The following RARB variants were observed in gnomAD, a reference collection of about 807,000 sequenced individuals.
RARB encodes HBV-activated protein.
In RARB, 17 loss-of-function variants were observed where a neutral mutation model predicts 51.9. The ratio of observed to expected loss-of-function variants is 0.33; its 90% CI spans 0.22 to 0.49. The LOEUF (loss-of-function observed/expected upper bound fraction) is 0.49, where lower values mean the gene tolerates loss of function less well. Among genes scored for constraint, RARB ranks in the 20% least tolerant of loss-of-function variants. The pLI is 0.99. For missense variants in RARB, 369 were observed against 550.8 expected (o/e 0.67, Z 3.30); for synonymous variants, 215 against 195.4 (o/e 1.10, Z -0.84).
chr3:25,446,802 C>CAAAAAAAAAAAAAAAA (rs5847356), intron 1 of RARB, among the ~76,000 whole-genome samples: 1 of 69,102 alleles, frequency 1.4e-5, no homozygotes, highest in African/African-American at 6.5e-5. Flanking sequence ...GACTCCGTCT[C>CAAAAAAAAAAAAAAAA]AAAAAAAAAA....
intron 2 of RARB, among the ~76,000 whole-genome samples, chr3:25,475,940 T>C (rs1177371708): frequency 6.6e-6 from 1 of 152,204 alleles, no homozygotes; most frequent in Admixed American, 6.5e-5. Context: ...TAGTTGTGTA[T>C]TTGTCACTCA....
intron 5 of RARB, among the ~76,000 whole-genome samples, chr3:25,251,042 C>G (rs918693113): frequency 6.6e-6 from 1 of 152,062 alleles, no homozygotes. Context: ...TGAAAGTGTT[C>G]TCTGTTAGGT....
chr3:25,022,619 T>C (rs1162020688), intron 2 of RARB, among the ~76,000 whole-genome samples: 2 of 152,238 alleles, frequency 1.3e-5, no homozygotes, highest in African/African-American at 4.8e-5. Flanking sequence ...CAGTCTTTTT[T>C]ACTTTAACCG....
In RARB at chr3:25,121,873, G is replaced by A. The variant is rs377567129; in HGVS notation, c.-327-10288G>A. ...CATTTGGAGGTTCATTGAGCTTTTT[G>A]GAGGATTATATCCCAGAGGGGACCT... On this transcript the variant is annotated intron_variant, in intron 3 of 11. Transcript: ENST00000383772. 9.9e-5 allele frequency among the ~76,000 whole-genome samples: 15 copies of A among 152,232 alleles called. No individual in the cohort carries two copies. In the East Asian group the frequency reaches 1.9e-3, roughly 20 times the overall value.
intron 5 of RARB, among the ~76,000 whole-genome samples, chr3:25,195,309 T>A (rs900301464): frequency 1.3e-5 from 2 of 152,028 alleles, no homozygotes; most frequent in East Asian, 1.9e-4. Flanking sequence ...GTGTCATACA[T>A]GCTCAATTTC....
chr3:24,974,248 A>T (rs1696462425), intron 2 of RARB, among the ~76,000 whole-genome samples: 1 of 152,072 alleles, frequency 6.6e-6, no homozygotes, highest in Non-Finnish European at 1.5e-5. Flanking sequence ...ATTGATTTGC[A>T]TATGTTGAAT....
intron 5 of RARB, among the ~76,000 whole-genome samples, chr3:25,275,004 G>A (rs1703347803): frequency 6.6e-6 from 1 of 152,174 alleles, no homozygotes; most frequent in Non-Finnish European, 1.5e-5. Context: ...TAGCTGATCA[G>A]CATTTGCTTG....
chr3:25,211,798 A>G (rs955421473), intron 5 of RARB, among the ~76,000 whole-genome samples: 16 of 152,226 alleles, frequency 1.1e-4, no homozygotes, highest in Admixed American at 2.0e-4. Flanking sequence ...GCAAAAATTT[A>G]TAAAATAGGT....
At chr3:25,434,537 T>C (rs1482087518) in intron 1 of RARB, among the ~76,000 whole-genome samples, 1 of 135,008 alleles carries the variant, frequency 7.4e-6, no homozygotes, top group African/African-American at 2.6e-5. Flanking sequence ...TCCTTTTTTT[T>C]TTTTTTTTCT....
At chr3:24,874,007 A>C (rs544128955) in intron 2 of RARB, among the ~76,000 whole-genome samples, 143 of 152,194 alleles carry the variant, frequency 9.4e-4, no homozygotes, top group Non-Finnish European at 1.8e-3. Flanking sequence ...TATAACAACT[A>C]TTTACATAGC....
intron 2 of RARB, among the ~76,000 whole-genome samples, chr3:25,023,248 C>T (rs1336894069): frequency 1.3e-5 from 2 of 152,178 alleles, no homozygotes; most frequent in Non-Finnish European, 2.9e-5. Context: ...CAGGATTATA[C>T]TCCACAGTAA....
At position 25,327,359 on chromosome 3, in the gene RARB, C is replaced by T. The variant is rs552006776; in HGVS notation, c.179-133834C>T. The stretch of plus-strand genomic sequence containing the variant: ...ATCAAGCAGCACTACTACAATATTT[C>T]AAAATAATAGATCCAAAAAAGGAGG... On this transcript the variant is annotated intron_variant, in intron 5 of 11. Coordinates refer to the RARB transcript ENST00000383772. 2.0e-5 allele frequency among the ~76,000 whole-genome samples: 3 copies of T among 151,542 alleles called. 1 individual carries two copies. The South Asian group carries it at 6.3e-4, about 32-fold the overall frequency.
chr3:25,560,855 T>C (rs1297992287), intron 3 of RARB, among the ~76,000 whole-genome samples: 2 of 152,254 alleles, frequency 1.3e-5, no homozygotes, highest in Non-Finnish European at 2.9e-5. Context: ...CCCCTCATGC[T>C]TTATTTGACT....
chr3:24,936,069 T>C (rs1369350741), intron 2 of RARB, among the ~76,000 whole-genome samples: 1 of 152,178 alleles, frequency 6.6e-6, no homozygotes, highest in East Asian at 1.9e-4. Flanking sequence ...ACATACCTTT[T>C]TAGGAAAGCC....
intron 2 of RARB, among the ~76,000 whole-genome samples, chr3:24,969,562 T>C (rs984244535): frequency 6.6e-6 from 1 of 152,110 alleles, no homozygotes; most frequent in Non-Finnish European, 1.5e-5. Context: ...TTCTGTCTCT[T>C]TTATTTATGT....
intron 3 of RARB, among the ~76,000 whole-genome samples, chr3:25,063,618 A>G (rs1014360794): frequency 3.3e-5 from 5 of 152,034 alleles, no homozygotes; most frequent in African/African-American, 1.2e-4. Flanking sequence ...TGCCGGTGGA[A>G]TTTGACTAAA....
At chr3:25,568,878 G>A (rs1700599722) in intron 3 of RARB, among the ~76,000 whole-genome samples, 2 of 152,176 alleles carry the variant, frequency 1.3e-5, no homozygotes, top group Non-Finnish European at 2.9e-5. Context: ...CTTTCCTCGC[G>A]AGATCCTAGC....
chr3:25,085,317 G>C (rs1452684112), intron 3 of RARB, among the ~76,000 whole-genome samples: 2 of 152,160 alleles, frequency 1.3e-5, no homozygotes, highest in African/African-American at 4.8e-5. Flanking sequence ...TCTTAGGTTA[G>C]TCAACTTGTT....
chr3:25,369,997 TAGG>T lies in RARB; in HGVS notation c.179-91193_179-91191del, dbSNP rs573114633. ...AATAGCCTAAGTGTTCATCTTCTAG[TAGG>T]AGAACTGAGTGAAAAGGCACAGAGC... On this transcript the variant is annotated intron_variant, in intron 5 of 11. Transcript: ENST00000383772. Among the ~76,000 whole-genome samples, 30 of 152,042 alleles carry T rather than the reference TAGG, an allele frequency of 2.0e-4. No individual in the cohort carries two copies. In the South Asian group the frequency reaches 2.1e-3, roughly 11 times the overall value.
Sources: gnomAD v4.1 joint callset for allele counts (sites outside exome capture counted in the v4.1 genomes callset) on GRCh38, gnomAD v4.1.1 for gene constraint, MANE v1.5 for transcripts, NCBI Gene and HGNC (gene_info 2026-07-23, HGNC 2026-07-21) for gene names.